Variants in PI4KA observed in about 807,000 individuals in gnomAD.
The protein encoded by PI4KA is PI4-kinase alpha.
In PI4KA, 122 loss-of-function variants were observed where a neutral mutation model predicts 271.4. The observed-to-expected ratio is 0.45, with a 90% CI of 0.39 to 0.52. The LOEUF is 0.52. PI4KA is among the 20% of genes least tolerant of loss of function. The pLI is 0.00. For synonymous variants in PI4KA, 1,041 were observed against 1,078.8 expected (o/e 0.96, Z 0.69); for missense variants, 1,969 against 2,769.1 (o/e 0.71, Z 6.48).
chr22:20,796,944 G>A (rs925400717), intron 17 of PI4KA, among the ~76,000 whole-genome samples: 1 of 152,202 alleles, frequency 6.6e-6, no homozygotes, highest in African/African-American at 2.4e-5. Context: ...TGTGGCCCTG[G>A]AGACTGCCAG....
chr22:20,738,116 AGTGTGTAGGCAGGT>A (rs972176529), intron 32 of PI4KA, among the ~76,000 whole-genome samples: 39 of 152,116 alleles, frequency 2.6e-4, no homozygotes, highest in African/African-American at 5.5e-4. Context: ...ACCAAGAGAT[AGTGTGTAGGCAGGT>A]GTGTGTAGGC....
intron 17 of PI4KA, among the ~76,000 whole-genome samples, chr22:20,797,527 C>T (rs1048091986): frequency 6.6e-6 from 1 of 152,160 alleles, no homozygotes; most frequent in African/African-American, 2.4e-5. Context: ...GAGCCTGACC[C>T]CATCCCCAAT....
In PI4KA at chr22:20,807,346, G is replaced by A; in HGVS notation, c.1168+16C>T. On this transcript the variant is annotated intron_variant, in intron 10 of 54. Transcript: ENST00000255882. ...GTCTTGCTGTACTCACAAACACATG[G>A]GCAAACTGTCCTCACCCTTCATGTA... is the stretch of plus-strand genomic sequence containing the variant. The A allele has an allele frequency of 6.5e-7, 1 of 1,536,766 alleles. No homozygotes were observed. Among genetic ancestry groups the A allele is most frequent in the Non-Finnish European group, 9.0e-7 (1 of 1,109,720 alleles).
chr22:20,740,963 AGAG>A (rs1385495854), intron 32 of PI4KA, among the ~76,000 whole-genome samples: 5 of 152,252 alleles, frequency 3.3e-5, no homozygotes, highest in Non-Finnish European at 5.9e-5. Flanking sequence ...ATTACTTGGC[AGAG>A]GAGATCACAG....
intron 36 of PI4KA, among the ~76,000 whole-genome samples, chr22:20,730,727 G>A (rs1927939418): frequency 6.6e-6 from 1 of 151,722 alleles, no homozygotes; most frequent in Non-Finnish European, 1.5e-5. Flanking sequence ...CCACCACCAT[G>A]CCTGGCTAAT....
intron 4 of PI4KA, among the ~76,000 whole-genome samples, chr22:20,822,252 G>T (rs1432936044): frequency 6.6e-6 from 1 of 152,066 alleles, no homozygotes; most frequent in Non-Finnish European, 1.5e-5. Context: ...TTGCTATGCT[G>T]CCCAAGCTAG....
In PI4KA at chr22:20,819,632, C is replaced by T. The variant is rs375759187; in HGVS notation, c.789+9G>A. 6.6e-5 allele frequency: 106 copies of T among 1,612,220 alleles called. No homozygotes were observed. The highest frequency in any genetic ancestry group is 8.4e-5 in the Non-Finnish European group (99 of 1,178,838). On this transcript the variant is annotated intron_variant, in intron 6 of 54. Coordinates refer to ENST00000255882, the MANE Select transcript of PI4KA (RefSeq NM_058004.4). ...CTCCTCTGCTCTTTCCCCAGTAGCCCAGGCCCACCTGAGAGATGCTGGACA... is the reference window on the plus strand; with the variant it reads ...CTCCTCTGCTCTTTCCCCAGTAGCCTAGGCCCACCTGAGAGATGCTGGACA...
intron 1 of PI4KA, among the ~76,000 whole-genome samples, chr22:20,848,334 C>T (rs1313817892): frequency 6.6e-6 from 1 of 151,304 alleles, no homozygotes; most frequent in African/African-American, 2.4e-5. Context: ...TAGGTGAGTT[C>T]TTTGCAGAAA....
chr22:20,729,194 CCTGA>C (rs1382202867), intron 39 of PI4KA, 115 bp downstream of exon 39: 1 of 830,024 alleles, frequency 1.2e-6, no homozygotes, highest in Admixed American at 2.7e-5. Context: ...TAGACTACTT[CCTGA>C]CTATCCTTGA....
chr22:20,804,117 T>C (rs886120645), intron 12 of PI4KA, among the ~76,000 whole-genome samples, 183 bp downstream of exon 12: 4 of 152,088 alleles, frequency 2.6e-5, no homozygotes, highest in African/African-American at 9.7e-5. Context: ...CCTGGCATCC[T>C]GCAGGGGGCA....
intron 19 of PI4KA, among the ~76,000 whole-genome samples, chr22:20,774,343 G>A (rs1340209698): frequency 6.6e-6 from 1 of 152,228 alleles, no homozygotes; most frequent in Admixed American, 6.5e-5. Flanking sequence ...GACAAACTTA[G>A]AATAGGAGCT....
chr22:20,824,864 G>A (rs942023188), intron 3 of PI4KA, among the ~76,000 whole-genome samples: 4 of 151,630 alleles, frequency 2.6e-5, no homozygotes, highest in African/African-American at 7.3e-5. Flanking sequence ...CTGAGGTCGA[G>A]TTCAAGACCA....
chr22:20,713,397 G>A lies in PI4KA; in HGVS notation c.5462-7C>T, dbSNP rs771582622. Reference sequence around the variant, plus strand: ...TCTGAGCGGCACCGCAGACCTGCCCGCAGGGAGAGAGGCCGCTGTTAGCCT... The same window carrying A: ...TCTGAGCGGCACCGCAGACCTGCCCACAGGGAGAGAGGCCGCTGTTAGCCT... On this transcript the variant is annotated splice_region_variant and splice_polypyrimidine_tract_variant and intron_variant, in intron 47 of 54. Coordinates refer to ENST00000255882, the MANE Select transcript of PI4KA (RefSeq NM_058004.4). 25 of 1,562,684 alleles carry A rather than the reference G, an allele frequency of 1.6e-5. No individual in the cohort carries two copies. The highest frequency in any genetic ancestry group is 8.2e-5 in the African/African-American group (6 of 73,448).
In PI4KA at chr22:20,727,406, A is replaced by G; in HGVS notation, c.4774-9T>C. The G allele has an allele frequency of 6.3e-7, 1 of 1,595,204 alleles. No individual in the cohort carries two copies. The highest frequency in any genetic ancestry group is 8.5e-7 in the Non-Finnish European group (1 of 1,170,596). On this transcript the variant is annotated splice_polypyrimidine_tract_variant and intron_variant, in intron 40 of 54. Transcript: ENST00000255882. ...TGCCAGGTGACCAGGAACTGCAGAGAAGGTGGGGAGATGCTGTGGCTTGGG... is the reference window on the plus strand; with the variant it reads ...TGCCAGGTGACCAGGAACTGCAGAGGAGGTGGGGAGATGCTGTGGCTTGGG...
rs1930257255 is a variant in PI4KA, at chr22:20,747,612, C to G, written c.3334G>C (p.Gly1112Arg). 3.1e-6 allele frequency: 5 copies of G among 1,614,112 alleles called. No individual in the cohort carries two copies. Among genetic ancestry groups the G allele is most frequent in the Non-Finnish European group, 4.2e-6 (5 of 1,180,006 alleles). ...AGAGTTGTGTTCTGCTTGTTGTAGC[C>G]AGCAAAGTGAAGGATGCTCTCAGTG... is the stretch of plus-strand genomic sequence containing the variant. The part of the protein sequence containing the change: ...MATESILHFA[G>R]YNKQNTTLGA... The change falls in exon 29 of 55, where the codon GGC becomes CGC. Residue 1112 changes from glycine to arginine, a missense_variant. Physicochemically the swap from Gly to Arg is moderately radical, Grantham distance 125. Around this residue, in one of 13 missense-constraint regions of PI4KA, gnomAD observed 203 missense variants for 256.8 expected, o/e 0.79. Transcript: ENST00000255882.
rs1032678000 is a variant in PI4KA at position 20,720,037 on chromosome 22, A to C, written c.5117-1215T>G. On this transcript the variant is annotated intron_variant, in intron 43 of 54. Transcript: ENST00000255882. Reference sequence around the variant, plus strand: ...CAAGACTCTGTCTCAAAAAAAAAAAAAAAAAAAAAAAAAACCCTTTCTGGT... The same window carrying C: ...CAAGACTCTGTCTCAAAAAAAAAAACAAAAAAAAAAAAAACCCTTTCTGGT... 1.5e-4 allele frequency among the ~76,000 whole-genome samples: 23 copies of C among 150,122 alleles called. No individual in the cohort carries two copies. The East Asian group carries it at 1.8e-3, about 11-fold the overall frequency.
At chr22:20,827,344 T>C (rs1363012093) in intron 3 of PI4KA, among the ~76,000 whole-genome samples, 1 of 152,190 alleles carries the variant, frequency 6.6e-6, no homozygotes, top group Non-Finnish European at 1.5e-5. Flanking sequence ...TTGACTCTGT[T>C]GAAGATCAGA....
intron 19 of PI4KA, among the ~76,000 whole-genome samples, chr22:20,773,685 C>G (rs1007409075): frequency 6.6e-6 from 1 of 152,184 alleles, no homozygotes; most frequent in Non-Finnish European, 1.5e-5. Context: ...CGCCTAGTAG[C>G]TGAGCCAGCC....
intron 20 of PI4KA, 35 bp downstream of exon 20, chr22:20,765,550 C>T (rs139790713): frequency 3.3e-4 from 471 of 1,410,396 alleles, no homozygotes; most frequent in Non-Finnish European, 4.3e-4. Flanking sequence ...TCACTCTGCA[C>T]TCCGTCTTCA....
Sources: allele counts gnomAD v4.1 joint callset (sites outside exome capture counted in the v4.1 genomes callset), GRCh38; gene constraint gnomAD v4.1.1; regional missense constraint gnomAD v4.1.1; transcripts MANE v1.5; gene names NCBI Gene and HGNC (gene_info 2026-07-23, HGNC 2026-07-21).